The following STX2 variants were observed in gnomAD, a reference collection of about 807,000 sequenced individuals.
STX2 encodes the protein syntaxin-2.
STX2 carries 27 observed loss-of-function variants against 40.6 expected under a neutral mutation model. That is an observed-to-expected ratio of 0.66 (90% CI 0.49 to 0.92). The LOEUF (loss-of-function observed/expected upper bound fraction) is 0.92. Among genes scored for constraint, STX2 ranks in the 40% least tolerant of loss-of-function variants. The pLI is 0.00. For synonymous variants in STX2, 123 were observed against 119.1 expected (o/e 1.03, Z -0.22); for missense variants, 328 against 366.1 (o/e 0.90, Z 0.85).
chr12:130,824,611 C>T (rs976643647), intron 2 of STX2, among the ~76,000 whole-genome samples: 8 of 152,114 alleles, frequency 5.3e-5, no homozygotes, highest in African/African-American at 1.4e-4. Context: ...CCGGGAATAA[C>T]ATAGCACAGG....
At chr12:130,802,321 C>T (rs888270514) in intron 6 of STX2, among the ~76,000 whole-genome samples, 1 of 152,166 alleles carries the variant, frequency 6.6e-6, no homozygotes, top group Non-Finnish European at 1.5e-5. Context: ...CCTCTGACCC[C>T]TGAGTGGTGG....
At chr12:130,817,358 C>T (rs936075017) in intron 3 of STX2, among the ~76,000 whole-genome samples, 2 of 151,908 alleles carry the variant, frequency 1.3e-5, no homozygotes, top group Admixed American at 6.6e-5. Flanking sequence ...GAAAGACAAT[C>T]GCTGAAGAGA....
At chr12:130,813,120 G>T in intron 3 of STX2, 89 bp from the exon 4 acceptor site, 1 of 807,376 alleles carries the variant, frequency 1.2e-6, no homozygotes, top group Non-Finnish European at 1.8e-6. Context: ...AAGTGAAACA[G>T]TATCCTTAGT....
chr12:130,834,776 G>A (rs1952700697), intron 1 of STX2, among the ~76,000 whole-genome samples: 1 of 152,144 alleles, frequency 6.6e-6, no homozygotes, highest in South Asian at 2.1e-4. Flanking sequence ...GATTGCATAA[G>A]TTATGACATT....
intron 3 of STX2, among the ~76,000 whole-genome samples, chr12:130,818,181 A>ATATATATATATAT (rs1555222320): frequency 2.5e-4 from 5 of 20,174 alleles, no homozygotes; most frequent in African/African-American, 7.3e-4. Context: ...AAAAAAAAAA[A>ATATATATATATAT]AAAAATATAT....
chr12:130,808,916 C>T (rs896269389), intron 4 of STX2, among the ~76,000 whole-genome samples: 1 of 152,206 alleles, frequency 6.6e-6, no homozygotes, highest in African/African-American at 2.4e-5. Flanking sequence ...ACCCGGGCTG[C>T]AGTGCAGGGG....
chr12:130,807,407 C>T (rs115395645), intron 5 of STX2, among the ~76,000 whole-genome samples: 2,035 of 150,746 alleles, frequency 0.013, 47 homozygotes, highest in African/African-American at 0.048. Flanking sequence ...AGGTGGACCC[C>T]AGAGCCCGCG....
intron 1 of STX2, among the ~76,000 whole-genome samples, chr12:130,835,978 T>G (rs2136371722): frequency 1.3e-5 from 2 of 152,266 alleles, no homozygotes; most frequent in East Asian, 3.9e-4. Context: ...AAAAGAAACT[T>G]CATGGAAGCA....
intron 1 of STX2, among the ~76,000 whole-genome samples, chr12:130,833,407 T>C (rs1255959311): frequency 8.3e-6 from 1 of 119,808 alleles, no homozygotes; most frequent in East Asian, 3.0e-4. Context: ...GAAATCACTC[T>C]ACCTTTTTTT....
chr12:130,809,386 T>C, intron 4 of STX2, among the ~76,000 whole-genome samples: 1 of 152,238 alleles, frequency 6.6e-6, no homozygotes, highest in East Asian at 1.9e-4. Flanking sequence ...AGACTCCGAA[T>C]ATGTTTTATA....
At chr12:130,807,160 T>G in intron 5 of STX2, 70 bp from the exon 6 acceptor site, 2 of 1,485,188 alleles carry the variant, frequency 1.3e-6, no homozygotes, top group Non-Finnish European at 1.9e-6. Flanking sequence ...ATGCAAGACA[T>G]GCATTTTGGA....
At chr12:130,831,866 ATTTT>A (rs60003050) in intron 1 of STX2, among the ~76,000 whole-genome samples, 4 of 106,616 alleles carry the variant, frequency 3.8e-5, no homozygotes, top group Non-Finnish European at 8.1e-5. Flanking sequence ...CACTTCTGCA[ATTTT>A]TTTTTTTTTT....
At chr12:130,820,651 G>C (rs761664291) in intron 3 of STX2, among the ~76,000 whole-genome samples, 2 of 151,912 alleles carry the variant, frequency 1.3e-5, no homozygotes, top group Non-Finnish European at 2.9e-5. Context: ...GTGTGACAGA[G>C]TGAGACTCCG....
Position 130,791,833 on chromosome 12 carries a change from C to T in STX2, c.*190G>A. ...CGTCTGAGATTCATTCACGAAATGA[C>T]AGGATGCTGATTTGGTTGCAGATGT... On this transcript the variant is annotated 3_prime_UTR_variant, in exon 11 of 11. Coordinates refer to ENST00000392373, the MANE Select transcript of STX2 (RefSeq NM_194356.4). 3.7e-6 allele frequency: 5 copies of T among 1,362,194 alleles called. No individual in the cohort carries two copies. The highest frequency in any genetic ancestry group is 5.2e-6 in the Non-Finnish European group (5 of 956,246). 84.4% of individuals were successfully genotyped at this position (1,362,194 alleles called of 1,614,324 possible).
At chr12:130,808,595 G>C (rs201680706) in intron 5 of STX2, 36 bp downstream of exon 5, 1 of 1,565,598 alleles carries the variant, frequency 6.4e-7, no homozygotes, top group South Asian at 1.2e-5. Context: ...CTTATTCTGC[G>C]ACATTACTTT....
At chr12:130,827,081 T>TGGAGA (rs1952344415) in intron 2 of STX2, 112 bp downstream of exon 2, 2 of 367,056 alleles carry the variant, frequency 5.4e-6, no homozygotes, top group Admixed American at 5.9e-5. Flanking sequence ...GAGGGAGGGG[T>TGGAGA]GGGGAGGGGA....
In STX2 at chr12:130,790,364, A is replaced by T. The variant is rs1049900357; in HGVS notation, c.*1659T>A. 3 of 152,226 alleles carry T rather than the reference A, an allele frequency of 2.0e-5. No homozygotes were observed. The highest frequency in any genetic ancestry group is 4.4e-5 in the Non-Finnish European group (3 of 68,032). 9.4% of individuals were successfully genotyped at this position (152,226 alleles called of 1,614,324 possible). A position where few individuals can be genotyped will look rare whatever the true frequency, so the allele number is the denominator to read the frequency against. On this transcript the variant is annotated 3_prime_UTR_variant, in exon 11 of 11. Coordinates refer to ENST00000392373, the MANE Select transcript of STX2 (RefSeq NM_194356.4). ...CATTAGTTTCAAACCAAATGGTGTT[A>T]AAAGTCACATGCTTACACTACTACA... is the stretch of plus-strand genomic sequence containing the variant.
At chr12:130,811,357 C>CAA (rs35156542) in intron 4 of STX2, among the ~76,000 whole-genome samples, 56,704 of 97,978 alleles carry the variant, frequency 0.58, 16,158 homozygotes, top group East Asian at 0.83. Context: ...GACTCTGTCT[C>CAA]AAAAAAAAAA....
At chr12:130,794,799 G>C (rs1432144832) in intron 10 of STX2, among the ~76,000 whole-genome samples, 2 of 152,124 alleles carry the variant, frequency 1.3e-5, no homozygotes, top group African/African-American at 4.8e-5. Flanking sequence ...TTTTTAAAAA[G>C]CCTTGGGTGA....
Sources: gnomAD v4.1 joint callset for allele counts (sites outside exome capture counted in the v4.1 genomes callset) on GRCh38, gnomAD v4.1.1 for gene constraint, MANE v1.5 for transcripts, NCBI Gene and HGNC (gene_info 2026-07-23, HGNC 2026-07-21) for gene names.